Variants in GAB2 observed in about 807,000 individuals in gnomAD.
GAB2 encodes the protein GRB2-associated-binding protein 2.
A neutral mutation model predicts 65.5 loss-of-function variants in GAB2; 26 were observed. The ratio of observed to expected loss-of-function variants is 0.40; its 90% CI spans 0.29 to 0.55. The LOEUF is 0.55. Ranked by LOEUF, GAB2 falls within the 20% of genes least tolerant of loss-of-function variation. The pLI is 0.53. For missense variants in GAB2, 884 were observed against 875.8 expected, an observed-to-expected ratio of 1.01 and a Z score of -0.12; for synonymous variants, 321 against 329.6, an observed-to-expected ratio of 0.97 and a Z score of 0.28.
chr11:78,308,542 C>G (rs1855420431), intron 1 of GAB2, among the ~76,000 whole-genome samples: 1 of 152,198 alleles, frequency 6.6e-6, no homozygotes, highest in Admixed American at 6.5e-5. Flanking sequence ...AGGATCAGAT[C>G]AAGATTTTAA....
intron 1 of GAB2, among the ~76,000 whole-genome samples, chr11:78,408,261 G>A (rs1245976070): frequency 1.3e-5 from 2 of 152,090 alleles, no homozygotes; most frequent in African/African-American, 2.4e-5. Flanking sequence ...GACATAAAGG[G>A]AGGTAAGGTT....
intron 1 of GAB2, among the ~76,000 whole-genome samples, chr11:78,336,055 T>A (rs1039831702): frequency 6.6e-6 from 1 of 152,088 alleles, no homozygotes; most frequent in Non-Finnish European, 1.5e-5. Flanking sequence ...GGCTCACACC[T>A]GCAATCCCAG....
chr11:78,393,529 AG>A (rs1207286022), intron 1 of GAB2, among the ~76,000 whole-genome samples: 1 of 152,248 alleles, frequency 6.6e-6, no homozygotes, highest in African/African-American at 2.4e-5. Context: ...AAGAAGAATC[AG>A]GGAAGCCAAA....
At chr11:78,379,504 G>A (rs1267880230) in intron 1 of GAB2, among the ~76,000 whole-genome samples, 4 of 152,190 alleles carry the variant, frequency 2.6e-5, no homozygotes, top group Non-Finnish European at 4.4e-5. Flanking sequence ...ACAGTTGACC[G>A]ACAAGACAGA....
At chr11:78,254,622 A>G (rs535942558) in intron 2 of GAB2, among the ~76,000 whole-genome samples, 1 of 152,174 alleles carries the variant, frequency 6.6e-6, no homozygotes, top group Admixed American at 6.5e-5. Context: ...AAACCTAGTG[A>G]GAGTCGTCTC....
chr11:78,375,765 A>G (rs1346819787), intron 1 of GAB2, among the ~76,000 whole-genome samples: 2 of 152,202 alleles, frequency 1.3e-5, no homozygotes, highest in Non-Finnish European at 2.9e-5. Flanking sequence ...TCACTGACTA[A>G]TAAGTTACAG....
chr11:78,259,122 G>C (rs1247202419), intron 2 of GAB2, among the ~76,000 whole-genome samples: 1 of 152,086 alleles, frequency 6.6e-6, no homozygotes, highest in African/African-American at 2.4e-5. Flanking sequence ...AGAACATGTG[G>C]TATTTGGTCT....
intron 2 of GAB2, among the ~76,000 whole-genome samples, chr11:78,268,606 A>T (rs1240349209): frequency 6.6e-6 from 1 of 152,144 alleles, no homozygotes; most frequent in African/African-American, 2.4e-5. Context: ...TTTGGGAGCC[A>T]TTCAAAGCTT....
At chr11:78,387,246 T>A (rs1169206241) in intron 1 of GAB2, among the ~76,000 whole-genome samples, 1 of 152,208 alleles carries the variant, frequency 6.6e-6, no homozygotes, top group Admixed American at 6.5e-5. Flanking sequence ...CTGTATGACC[T>A]CTGAGGCTCC....
At chr11:78,352,557 T>C (rs1690199346) in intron 1 of GAB2, among the ~76,000 whole-genome samples, 1 of 152,218 alleles carries the variant, frequency 6.6e-6, no homozygotes, top group African/African-American at 2.4e-5. Context: ...TTCACCCTTG[T>C]TACAGAATTC....
intron 1 of GAB2, among the ~76,000 whole-genome samples, chr11:78,379,448 G>A (rs1169126553): frequency 6.6e-6 from 1 of 152,114 alleles, no homozygotes; most frequent in African/African-American, 2.4e-5. Context: ...AAAATAACAG[G>A]GAAATAGATA....
chr11:78,358,492 A>G (rs1368560498), intron 1 of GAB2, among the ~76,000 whole-genome samples: 2 of 148,854 alleles, frequency 1.3e-5, no homozygotes, highest in Admixed American at 1.3e-4. Flanking sequence ...CCAAAAAAAA[A>G]AAAAAGAAGT....
chr11:78,280,572 A>G (rs368930493), intron 2 of GAB2, 29 bp downstream of exon 2: 8 of 1,574,960 alleles, frequency 5.1e-6, no homozygotes, highest in African/African-American at 2.7e-5. Context: ...TCAACCCCCT[A>G]TGAGAAAGAT....
chr11:78,269,020 A>C (rs1565134702), intron 2 of GAB2, among the ~76,000 whole-genome samples: 2 of 150,054 alleles, frequency 1.3e-5, no homozygotes, highest in African/African-American at 4.9e-5. Context: ...GGTTATTTAA[A>C]ATAACCTTTT....
At chr11:78,235,419 T>A (rs1864956603) in intron 3 of GAB2, among the ~76,000 whole-genome samples, 1 of 152,144 alleles carries the variant, frequency 6.6e-6, no homozygotes, top group Admixed American at 6.5e-5. Context: ...CCCAAAGTGC[T>A]TGGATTACAG....
At chr11:78,405,019 T>C (rs1287742988) in intron 1 of GAB2, among the ~76,000 whole-genome samples, 1 of 151,774 alleles carries the variant, frequency 6.6e-6, no homozygotes, top group Non-Finnish European at 1.5e-5. Context: ...AACTATTATG[T>C]ATCCGTAAAA....
intron 2 of GAB2, among the ~76,000 whole-genome samples, chr11:78,271,585 A>G (rs934643162): frequency 6.6e-6 from 1 of 152,206 alleles, no homozygotes; most frequent in Admixed American, 6.5e-5. Flanking sequence ...CAGTAGAAAT[A>G]AGAATCTGGA....
chr11:78,317,039 T>C (rs1855621355), intron 1 of GAB2, among the ~76,000 whole-genome samples: 1 of 152,100 alleles, frequency 6.6e-6, no homozygotes, highest in Non-Finnish European at 1.5e-5. Flanking sequence ...AGTTAGAAAA[T>C]ACCATGTGAT....
At chr11:78,411,744 C>A (rs188790972) in intron 1 of GAB2, among the ~76,000 whole-genome samples, 3,723 of 151,438 alleles carry the variant, frequency 0.025, 150 homozygotes, top group African/African-American at 0.084. Context: ...AAAAAAAAAA[C>A]CAGGAAAGCC....
Sources: allele counts gnomAD v4.1 joint callset (sites outside exome capture counted in the v4.1 genomes callset), GRCh38; gene constraint gnomAD v4.1.1; transcripts MANE v1.5; gene names NCBI Gene and HGNC (gene_info 2026-07-23, HGNC 2026-07-21).